Variants in PCDHGA2 observed in about 807,000 individuals in gnomAD.
PCDHGA2 encodes the protein protocadherin gamma subfamily A, 2, also known as protocadherin gamma-A2.
In PCDHGA2, 40 loss-of-function variants were observed where a neutral mutation model predicts 59.2. That is an observed-to-expected ratio of 0.68 (90% CI 0.52 to 0.88). The LOEUF (loss-of-function observed/expected upper bound fraction) is 0.88. Among genes scored for constraint, PCDHGA2 ranks in the 40% least tolerant of loss-of-function variants. PCDHGA2 has a pLI of 0.00. For synonymous variants in PCDHGA2, 560 were observed against 526.0 expected, an observed-to-expected ratio of 1.06 and a Z score of -0.89; for missense variants, 1,226 against 1,204.0, an observed-to-expected ratio of 1.02 and a Z score of -0.27.
Position 141,370,893 on chromosome 5 carries a change from C to G in PCDHGA2, c.2424+29498C>G, listed in dbSNP as rs116495533. On this transcript the variant is annotated intron_variant, in intron 1 of 3. Coordinates refer to ENST00000394576, the MANE Select transcript of PCDHGA2 (RefSeq NM_018915.4). ...AGATCCTGATGTAGGTGTCAATTCG[C>G]TGCAGCAGTACTACCTCAGCCCTGA... The G allele has an allele frequency of 1.9e-3, 3,002 of 1,614,052 alleles. 48 individuals carry two copies. In the African/African-American group the frequency reaches 0.033, roughly 18 times the overall value.
chr5:141,504,158 T>G (rs890874880), intron 2 of PCDHGA2, among the ~76,000 whole-genome samples: 1 of 152,222 alleles, frequency 6.6e-6, no homozygotes, highest in Non-Finnish European at 1.5e-5. Context: ...TGAAATAATT[T>G]CATCCTTGGA....
Position 141,494,803 on chromosome 5 carries a change from A to G in PCDHGA2, c.2425-4A>G. On this transcript the variant is annotated splice_polypyrimidine_tract_variant and splice_region_variant and intron_variant, in intron 1 of 3. Transcript: ENST00000394576. ...CAGCCCCTTTCCCTCTGTTTTCTCC[A>G]CAGCAAGCCCCGCCCAACACGGACT... The G allele has an allele frequency of 6.2e-7, 1 of 1,613,646 alleles. No individual in the cohort carries two copies. Among genetic ancestry groups the G allele is most frequent in the Non-Finnish European group, 8.5e-7 (1 of 1,179,900 alleles).
At chr5:141,395,389 G>A in intron 1 of PCDHGA2, 1 of 986,786 alleles carries the variant, frequency 1.0e-6, no homozygotes, top group South Asian at 1.8e-5. Context: ...CTATAAAATT[G>A]AACTCTAATA....
rs777314784 is a variant in PCDHGA2, at chr5:141,432,669, C to A, written c.2425-62138C>A. On this transcript the variant is annotated intron_variant, in intron 1 of 3. Transcript: ENST00000394576. The surrounding 1 kb of genome is among the most constrained non-coding windows in gnomAD (Gnocchi z 6.0). ...GCGCGAGCCCTGCTGGACAGAGACG[C>A]GCTCAAGCAGAGCCTCGTAGTGGCC... 1 of 1,613,894 alleles carries A rather than the reference C, an allele frequency of 6.2e-7. No homozygotes were observed. Among genetic ancestry groups the A allele is most frequent in the Non-Finnish European group, 8.5e-7 (1 of 1,179,950 alleles).
At chr5:141,428,836 C>T (rs926107154) in intron 1 of PCDHGA2, 1 of 150,686 alleles carries the variant, frequency 6.6e-6, no homozygotes, top group African/African-American at 2.5e-5. Context: ...ATTTTTGAAA[C>T]ATTTTCACCA....
At chr5:141,350,272 C>T in intron 1 of PCDHGA2, 1 of 1,511,494 alleles carries the variant, frequency 6.6e-7, no homozygotes, top group Non-Finnish European at 8.8e-7. Flanking sequence ...TGCAGAGAGC[C>T]AGAGAAGCCG....
chr5:141,509,027 A>G (rs1409179803), intron 3 of PCDHGA2, among the ~76,000 whole-genome samples: 1 of 151,700 alleles, frequency 6.6e-6, no homozygotes, highest in Non-Finnish European at 1.5e-5. Flanking sequence ...GCTCCCTCCC[A>G]CTCAACCCCT....
At chr5:141,448,692 G>A (rs913533738) in intron 1 of PCDHGA2, among the ~76,000 whole-genome samples, 6 of 152,072 alleles carry the variant, frequency 3.9e-5, no homozygotes, top group African/African-American at 9.7e-5. Context: ...TGTAATCGCA[G>A]CACTTTGGGA....
At chr5:141,428,129 C>G (rs1449809875) in intron 1 of PCDHGA2, 1 of 1,603,218 alleles carries the variant, frequency 6.2e-7, no homozygotes, top group Non-Finnish European at 8.5e-7. Context: ...CCGGGCTTTT[C>G]AGCCTGGGGC....
chr5:141,347,143 CTTTCTTTCTTTCTT>C (rs1757902812), intron 1 of PCDHGA2, among the ~76,000 whole-genome samples: 2 of 104,078 alleles, frequency 1.9e-5, no homozygotes, highest in African/African-American at 6.3e-5. Flanking sequence ...TTCTCTCTTT[CTTTCTTTCTTTCTT>C]TCTTTCTTTC....
At chr5:141,365,067 A>G in intron 1 of PCDHGA2, 1 of 1,613,826 alleles carries the variant, frequency 6.2e-7, no homozygotes, top group Non-Finnish European at 8.5e-7. Context: ...ACCCCATCCG[A>G]GTACAGCGTG....
intron 1 of PCDHGA2, among the ~76,000 whole-genome samples, chr5:141,480,700 C>A (rs1327284592): frequency 1.3e-5 from 2 of 152,192 alleles, no homozygotes; most frequent in Admixed American, 6.5e-5. Flanking sequence ...CCAGGCCACA[C>A]CCCGACAAAT....
At chr5:141,499,461 A>G (rs1448103747) in intron 2 of PCDHGA2, among the ~76,000 whole-genome samples, 2 of 152,226 alleles carry the variant, frequency 1.3e-5, no homozygotes. Flanking sequence ...TCATTTTACA[A>G]TCTAGGGAGA....
At chr5:141,492,218 T>C (rs2099738354) in intron 1 of PCDHGA2, among the ~76,000 whole-genome samples, 1 of 152,114 alleles carries the variant, frequency 6.6e-6, no homozygotes. Flanking sequence ...GCGGGGCTCA[T>C]GCGTGTCCTC....
chr5:141,437,794 G>C (rs1162440523), intron 1 of PCDHGA2, among the ~76,000 whole-genome samples: 1 of 150,526 alleles, frequency 6.6e-6, no homozygotes, highest in Non-Finnish European at 1.5e-5. Context: ...CTGGAGTGCA[G>C]TGGCACTATC....
chr5:141,338,963 A>G lies in PCDHGA2; in HGVS notation c.-9A>G, dbSNP rs548687567. The G allele has an allele frequency of 1.3e-6, 2 of 1,526,178 alleles. No homozygotes were observed. The highest frequency in any genetic ancestry group is 4.4e-5 in the Admixed American group (2 of 45,942). The allele number at this position is 1,526,178 out of a possible 1,614,324, so 94.5% of individuals were successfully genotyped here. A position where few individuals can be genotyped will look rare whatever the true frequency, so the allele number is the denominator to read the frequency against. On this transcript the variant is annotated 5_prime_UTR_variant, in exon 1 of 4. Transcript: ENST00000394576. ...AAGTTGACTCGGAGAAAATTGCGAC[A>G]GGAGGGAAATGGCGGCTCTGCAAAA...
chr5:141,357,282 G>T, intron 1 of PCDHGA2: 2 of 1,613,964 alleles, frequency 1.2e-6, no homozygotes, highest in Non-Finnish European at 1.7e-6. Context: ...TCTATCTCGT[G>T]GTGGCAGTGG....
chr5:141,386,000 AT>A (rs1420495491), intron 1 of PCDHGA2: 3 of 152,258 alleles, frequency 2.0e-5, no homozygotes, highest in Admixed American at 6.5e-5. Flanking sequence ...ATAAAATGTC[AT>A]TTTAAGTGTT....
At chr5:141,374,153 TG>T in intron 1 of PCDHGA2, 1 of 1,612,060 alleles carries the variant, frequency 6.2e-7, no homozygotes, top group African/African-American at 1.3e-5. Context: ...GGGGACGCTG[TG>T]GGGGGCCGCG....
Sources: gnomAD v4.1 joint callset for allele counts (sites outside exome capture counted in the v4.1 genomes callset) on GRCh38, gnomAD v4.1.1 for gene constraint, Gnocchi (gnomAD v3.1) non-coding constraint, MANE v1.5 for transcripts, NCBI Gene and HGNC (gene_info 2026-07-23, HGNC 2026-07-21) for gene names.